Variants in AGBL1 observed in about 807,000 individuals in gnomAD.
AGBL1 encodes the protein cytosolic carboxypeptidase 4.
Under a neutral mutation model 118.9 loss-of-function variants are expected in AGBL1, and 130 were observed. The observed-to-expected ratio is 1.09, with a 90% confidence interval of 0.95 to 1.26. The LOEUF (loss-of-function observed/expected upper bound fraction) is 1.26, where lower values mean the gene tolerates loss of function less well. Among genes scored for constraint, AGBL1 ranks in the 50% most tolerant of loss-of-function variants. The probability of loss-of-function intolerance (pLI) is 0.00; values close to 1 mark genes in which losing one functional copy is unlikely to be tolerated. For synonymous variants in AGBL1, 555 were observed against 478.9 expected, an observed-to-expected ratio of 1.16 and a Z score of -2.08; for missense variants, 1,584 against 1,298.1, an observed-to-expected ratio of 1.22 and a Z score of -3.38.
chr15:86,431,440 A>G (rs2081934690), intron 18 of AGBL1, among the ~76,000 whole-genome samples: 1 of 152,232 alleles, frequency 6.6e-6, no homozygotes, highest in African/African-American at 2.4e-5. Flanking sequence ...AGTGTCTGTT[A>G]CCATATACAT....
At chr15:86,954,295 G>A (rs1461619063) in intron 23 of AGBL1, among the ~76,000 whole-genome samples, 2 of 152,114 alleles carry the variant, frequency 1.3e-5, no homozygotes, top group Admixed American at 1.3e-4. Flanking sequence ...CCATTACTGT[G>A]TATATATCCA....
chr15:86,157,894 T>C (rs1224345508), intron 4 of AGBL1, among the ~76,000 whole-genome samples: 2 of 152,178 alleles, frequency 1.3e-5, no homozygotes, highest in Non-Finnish European at 2.9e-5. Flanking sequence ...AGTGAGGATT[T>C]CTTATTGTTA....
At chr15:86,127,228 G>A (rs915124745) in intron 1 of AGBL1, among the ~76,000 whole-genome samples, 2 of 152,164 alleles carry the variant, frequency 1.3e-5, no homozygotes, top group East Asian at 1.9e-4. Flanking sequence ...GTTTTCAACC[G>A]TGGACATAGG....
chr15:86,601,186 C>G (rs1488410333), intron 21 of AGBL1, among the ~76,000 whole-genome samples: 1 of 152,092 alleles, frequency 6.6e-6, no homozygotes, highest in Non-Finnish European at 1.5e-5. Flanking sequence ...AGTATGCTCT[C>G]TGGTAGTCAT....
At chr15:86,596,700 C>T (rs182037204) in intron 21 of AGBL1, among the ~76,000 whole-genome samples, 1 of 152,174 alleles carries the variant, frequency 6.6e-6, no homozygotes, top group Non-Finnish European at 1.5e-5. Flanking sequence ...TGTCAAAAAC[C>T]ATAAATATCT....
intron 22 of AGBL1, among the ~76,000 whole-genome samples, chr15:86,829,140 G>A (rs906933948): frequency 1.3e-5 from 2 of 151,968 alleles, no homozygotes; most frequent in Non-Finnish European, 2.9e-5. Flanking sequence ...GTGATGCATT[G>A]GTGAAGTTCA....
At chr15:86,390,659 G>GTT in intron 17 of AGBL1, among the ~76,000 whole-genome samples, 1 of 82,036 alleles carries the variant, frequency 1.2e-5, no homozygotes, top group Non-Finnish European at 2.2e-5. Context: ...TATACTGTAT[G>GTT]ATTTTTTTTT....
chr15:86,644,601 G>C (rs368932316), intron 21 of AGBL1, among the ~76,000 whole-genome samples: 8 of 149,098 alleles, frequency 5.4e-5, no homozygotes, highest in East Asian at 2.0e-4. Flanking sequence ...CATGTGTTTT[G>C]TGTGATACAT....
chr15:86,305,131 C>T (rs1237944161), intron 17 of AGBL1: 4 of 152,208 alleles, frequency 2.6e-5, no homozygotes, highest in Non-Finnish European at 5.9e-5. Flanking sequence ...GTTATTAACA[C>T]ATGTCCTGAG....
intron 18 of AGBL1, among the ~76,000 whole-genome samples, chr15:86,495,406 A>AG (rs1042004408): frequency 6.6e-6 from 1 of 151,076 alleles, no homozygotes; most frequent in Non-Finnish European, 1.5e-5. Context: ...TTTTAAAAAA[A>AG]AAACCTTATA....
intron 20 of AGBL1, among the ~76,000 whole-genome samples, chr15:86,549,484 T>G (rs956375377): frequency 4.6e-5 from 7 of 151,958 alleles, no homozygotes; most frequent in Non-Finnish European, 8.8e-5. Flanking sequence ...AAGAAAGAAA[T>G]ATTCTGCAGA....
rs1382481952 is a variant in AGBL1, at chr15:86,763,695, T to A, written c.3158+89259T>A. 2.0e-5 allele frequency among the ~76,000 whole-genome samples: 3 copies of A among 152,044 alleles called. No individual in the cohort carries two copies. In the East Asian group the frequency reaches 5.8e-4, roughly 29 times the overall value. On this transcript the variant is annotated intron_variant, in intron 22 of 22. Coordinates refer to ENST00000614907, the MANE Select transcript of AGBL1 (RefSeq NM_001386094.1). The stretch of plus-strand genomic sequence containing the variant: ...CATAGGAAATGGGAATCAGAAGGAC[T>A]GTGTCCTAGCCCTGGCACTGTTGCT...
intron 21 of AGBL1, among the ~76,000 whole-genome samples, chr15:86,649,943 A>G (rs756816998): frequency 2.0e-5 from 3 of 152,206 alleles, no homozygotes; most frequent in Non-Finnish European, 4.4e-5. Context: ...TCACCAATCA[A>G]TTTAACCATG....
At chr15:86,308,906 G>T (rs79442887) in intron 17 of AGBL1, among the ~76,000 whole-genome samples, 165 of 152,132 alleles carry the variant, frequency 1.1e-3, no homozygotes, top group African/African-American at 3.3e-3. Flanking sequence ...TGGCTATTTG[G>T]GATCTTTGGT....
chr15:86,425,146 C>T (rs997077018), intron 18 of AGBL1, among the ~76,000 whole-genome samples: 2 of 152,096 alleles, frequency 1.3e-5, no homozygotes, highest in Non-Finnish European at 2.9e-5. Flanking sequence ...AACCCAAATG[C>T]CCATCAGTGA....
chr15:86,311,165 C>A (rs2079915273), intron 17 of AGBL1, among the ~76,000 whole-genome samples: 1 of 152,178 alleles, frequency 6.6e-6, no homozygotes, highest in Non-Finnish European at 1.5e-5. Context: ...GTTCTTGGCA[C>A]TTACAGATTT....
chr15:86,723,161 T>C (rs1192427829), intron 22 of AGBL1, among the ~76,000 whole-genome samples: 1 of 152,134 alleles, frequency 6.6e-6, no homozygotes, highest in African/African-American at 2.4e-5. Flanking sequence ...TGAGTGTATG[T>C]CCAAAGGATT....
At chr15:86,599,530 T>G (rs2084462498) in intron 21 of AGBL1, among the ~76,000 whole-genome samples, 3 of 152,108 alleles carry the variant, frequency 2.0e-5, no homozygotes, top group Admixed American at 6.6e-5. Context: ...CCTCAAATCC[T>G]TTGGGAAGTG....
intron 22 of AGBL1, among the ~76,000 whole-genome samples, chr15:86,835,728 G>A (rs1199079252): frequency 6.6e-6 from 1 of 152,154 alleles, no homozygotes; most frequent in African/African-American, 2.4e-5. Context: ...AAGTTTACAA[G>A]GATTGGGATA....
Sources: allele counts gnomAD v4.1 joint callset (sites outside exome capture counted in the v4.1 genomes callset), GRCh38; gene constraint gnomAD v4.1.1; transcripts MANE v1.5; gene names NCBI Gene and HGNC (gene_info 2026-07-23, HGNC 2026-07-21).